Variants in CSMD2 observed in about 807,000 individuals in gnomAD.
The protein encoded by CSMD2 is CUB and Sushi multiple domains 2.
In CSMD2, 130 loss-of-function variants were observed where a neutral mutation model predicts 398.5. That is an observed-to-expected ratio of 0.33 (90% CI 0.28 to 0.38). CSMD2 has a LOEUF of 0.38. Among genes scored for constraint, CSMD2 ranks in the 10% least tolerant of loss-of-function variants. CSMD2 has a pLI of 1.00. For synonymous variants in CSMD2, 1,828 were observed against 1,908.5 expected (o/e 0.96, Z 1.10); for missense variants, 3,829 against 4,764.9 (o/e 0.80, Z 5.78).
chr1:33,987,619 TA>T (rs1204152767), intron 3 of CSMD2, among the ~76,000 whole-genome samples: 1 of 152,210 alleles, frequency 6.6e-6, no homozygotes, highest in Non-Finnish European at 1.5e-5. Flanking sequence ...CCTCTGTGGA[TA>T]AATTGCAAGG....
intron 13 of CSMD2, chr1:33,772,286 C>T (rs1182128051): frequency 6.8e-6 from 2 of 293,982 alleles, no homozygotes; most frequent in East Asian, 6.7e-5. Context: ...TGGGCTTTGT[C>T]CCAGTGGTGT....
intron 3 of CSMD2, among the ~76,000 whole-genome samples, chr1:34,019,760 C>G (rs1351230034): frequency 1.3e-5 from 2 of 152,182 alleles, no homozygotes; most frequent in East Asian, 3.9e-4. Context: ...GCCCGAACTC[C>G]TTCCTGTGGC....
At chr1:33,912,263 C>G (rs1309484596) in intron 5 of CSMD2, among the ~76,000 whole-genome samples, 4 of 152,076 alleles carry the variant, frequency 2.6e-5, no homozygotes. Context: ...ATACAGTGGC[C>G]AGGGCAAGGA....
chr1:33,563,839 C>T (rs1015600161), intron 53 of CSMD2, among the ~76,000 whole-genome samples: 1 of 152,156 alleles, frequency 6.6e-6, no homozygotes, highest in African/African-American at 2.4e-5. Context: ...ATGAAGAGGA[C>T]AGCTGGAAAA....
Position 33,569,514 on chromosome 1 carries a change from T to C in CSMD2, c.7991A>G (p.Asn2664Ser), listed in dbSNP as rs34047235. 38,741 of 1,614,026 alleles carry C rather than the reference T, an allele frequency of 0.024. 584 individuals are homozygous for C. The highest frequency in any genetic ancestry group is 0.028 in the Non-Finnish European group (33,429 of 1,179,988). The part of the protein sequence containing the change: ...ISCGELPIPP[N>S]GHRIGTLSVY... ...AGACAGTGTTCCGATGCGGTGGCCA[T>C]TGGGGGGAATCGGGAGCTCTCCACA... is the stretch of plus-strand genomic sequence containing the variant. Residue 2664 changes from asparagine (N) to serine (S), a missense_variant, in exon 52 of 71, where the codon AAT (asparagine) becomes AGT (serine). This residue lies in a region of CSMD2 where 723 missense variants were observed against 758.6 expected (regional missense o/e 0.95). Transcript: ENST00000373381.
intron 27 of CSMD2, among the ~76,000 whole-genome samples, chr1:33,654,290 T>C (rs769615171): frequency 6.6e-6 from 1 of 152,230 alleles, no homozygotes; most frequent in Non-Finnish European, 1.5e-5. Flanking sequence ...TTATTCTTCC[T>C]GATTTATAAA....
intron 3 of CSMD2, among the ~76,000 whole-genome samples, chr1:33,999,083 T>C (rs1162076364): frequency 2.0e-5 from 3 of 152,216 alleles, no homozygotes. Flanking sequence ...GATGTTCCAC[T>C]TTCCCCTAAC....
intron 15 of CSMD2, among the ~76,000 whole-genome samples, chr1:33,729,484 TTTA>T (rs981763703): frequency 2.7e-5 from 4 of 149,960 alleles, no homozygotes; most frequent in African/African-American, 7.3e-5. Flanking sequence ...TTTTTAAAAT[TTTA>T]TTATTATTAT....
chr1:34,165,732 A>C (rs200554129), upstream of CSMD2: 1 of 1,613,544 alleles, frequency 6.2e-7, no homozygotes, highest in Admixed American at 1.7e-5. Flanking sequence ...GCGTTCCCCA[A>C]GTCTTGGCTC....
chr1:33,580,530 A>G (rs1638620203), intron 48 of CSMD2, among the ~76,000 whole-genome samples: 1 of 152,236 alleles, frequency 6.6e-6, no homozygotes, highest in African/African-American at 2.4e-5. Flanking sequence ...ATCATATAAA[A>G]TTGTTAAACT....
intron 1 of CSMD2, among the ~76,000 whole-genome samples, chr1:34,093,047 G>A (rs1159069326): frequency 3.0e-4 from 45 of 150,714 alleles, no homozygotes; most frequent in Admixed American, 6.6e-5. Context: ...CTCCCAGTAC[G>A]CAGCTGGAGA....
At chr1:33,638,253 C>T (rs1642919059) in intron 29 of CSMD2, among the ~76,000 whole-genome samples, 1 of 152,210 alleles carries the variant, frequency 6.6e-6, no homozygotes, top group Admixed American at 6.5e-5. Context: ...CAGAATAGAA[C>T]TGGCCACTGG....
chr1:33,958,281 C>T (rs1360009150), intron 3 of CSMD2, among the ~76,000 whole-genome samples: 1 of 152,166 alleles, frequency 6.6e-6, no homozygotes, highest in Admixed American at 6.5e-5. Flanking sequence ...TATCACATAG[C>T]ATTGTTCTGA....
chr1:33,765,448 C>A (rs1650368410), intron 13 of CSMD2, among the ~76,000 whole-genome samples: 2 of 152,168 alleles, frequency 1.3e-5, no homozygotes, highest in Non-Finnish European at 2.9e-5. Flanking sequence ...TGTAATAAAA[C>A]AATTCATTTC....
At chr1:33,643,884 GGGAATGAAGGAAGGAAGGAAGGAAGGAA>G (rs1643257174) in intron 29 of CSMD2, among the ~76,000 whole-genome samples, 1 of 135,206 alleles carries the variant, frequency 7.4e-6, no homozygotes, top group Non-Finnish European at 1.6e-5. Flanking sequence ...TGTGTAGTCT[GGGAATGAAGGAAGGAAGGAAGGAAGGAA>G]GGAAGGAAGG....
intron 1 of CSMD2, among the ~76,000 whole-genome samples, chr1:34,103,938 G>C (rs937850329): frequency 3.3e-5 from 5 of 152,186 alleles, no homozygotes; most frequent in Non-Finnish European, 5.9e-5. Context: ...TTAATATTGT[G>C]TGTGGGCAAC....
Position 34,144,530 on chromosome 1 carries a change from G to A in CSMD2, c.187+20381C>T, listed in dbSNP as rs182305067. On this transcript the variant is annotated intron_variant, in intron 1 of 70. Transcript: ENST00000373381. ...CCTTGCTCCTGTGAGGGAAGCCTGAGGCTGTTTCCTTTGCTGGTGAATGAG... is the reference window on the plus strand; with the variant it reads ...CCTTGCTCCTGTGAGGGAAGCCTGAAGCTGTTTCCTTTGCTGGTGAATGAG... Among the ~76,000 whole-genome samples, 9 of 152,284 alleles carry A rather than the reference G, an allele frequency of 5.9e-5. No individual in the cohort carries two copies. In the East Asian group the frequency reaches 1.7e-3, roughly 29 times the overall value.
At chr1:34,087,861 G>A (rs1438942681) in intron 2 of CSMD2, among the ~76,000 whole-genome samples, 2 of 152,146 alleles carry the variant, frequency 1.3e-5, no homozygotes, top group Non-Finnish European at 2.9e-5. Context: ...TGGAATGAAT[G>A]ATTGAAGAGG....
At chr1:33,975,918 T>C (rs1004077125) in intron 3 of CSMD2, among the ~76,000 whole-genome samples, 3 of 152,212 alleles carry the variant, frequency 2.0e-5, no homozygotes, top group African/African-American at 7.2e-5. Context: ...CTAATGAGTA[T>C]ATTTGACCTC....
Sources: allele counts gnomAD v4.1 joint callset (sites outside exome capture counted in the v4.1 genomes callset), GRCh38; gene constraint gnomAD v4.1.1; regional missense constraint gnomAD v4.1.1; transcripts MANE v1.5; gene names NCBI Gene and HGNC (gene_info 2026-07-23, HGNC 2026-07-21).